Variants in TBCK observed in about 807,000 individuals in gnomAD.
TBCK encodes TBC domain-containing protein kinase-like protein.
A neutral mutation model predicts 113.4 loss-of-function variants in TBCK; 99 were observed. That is an observed-to-expected ratio of 0.87 (90% CI 0.74 to 1.03). The LOEUF is 1.03. Among genes scored for constraint, TBCK ranks in the 50% least tolerant of loss-of-function variants. The pLI, the probability that TBCK is intolerant of heterozygous loss-of-function variation, is 0.00. For missense variants in TBCK, 1,045 were observed against 1,061.3 expected, an observed-to-expected ratio of 0.98 and a Z score of 0.21; for synonymous variants, 369 against 370.8, an observed-to-expected ratio of 1.00 and a Z score of 0.05.
chr4:106,210,905 A>G, intron 20 of TBCK, among the ~76,000 whole-genome samples: 1 of 152,098 alleles, frequency 6.6e-6, no homozygotes, highest in East Asian at 1.9e-4. Flanking sequence ...TCCTTTCTTA[A>G]TATTATCTCT....
intron 25 of TBCK, among the ~76,000 whole-genome samples, chr4:106,063,958 A>G (rs1736337390): frequency 6.6e-6 from 1 of 151,972 alleles, no homozygotes; most frequent in African/African-American, 2.4e-5. Context: ...GCCTGAATGA[A>G]CAAAGAGACT....
At chr4:106,301,798 A>T (rs914140613) in intron 2 of TBCK, among the ~76,000 whole-genome samples, 3 of 152,230 alleles carry the variant, frequency 2.0e-5, no homozygotes, top group Non-Finnish European at 1.5e-5. Flanking sequence ...ATAGCAAGAT[A>T]TCTGCATAGC....
At chr4:106,054,269 TCTTA>T (rs1735147584) in intron 25 of TBCK, among the ~76,000 whole-genome samples, 1 of 151,708 alleles carries the variant, frequency 6.6e-6, no homozygotes, top group South Asian at 2.1e-4. Flanking sequence ...CACCATCATC[TCTTA>T]CTTAGATTAC....
intron 3 of TBCK, among the ~76,000 whole-genome samples, chr4:106,291,338 G>A (rs1765688663): frequency 6.6e-6 from 1 of 152,070 alleles, no homozygotes; most frequent in Non-Finnish European, 1.5e-5. Flanking sequence ...TAAAAAGGGG[G>A]AAAGACCCCA....
chr4:106,091,850 A>G (rs1740286592), intron 25 of TBCK, among the ~76,000 whole-genome samples: 1 of 152,178 alleles, frequency 6.6e-6, no homozygotes, highest in Non-Finnish European at 1.5e-5. Flanking sequence ...TCTGGCCCCA[A>G]CCACATCCTG....
intron 20 of TBCK, among the ~76,000 whole-genome samples, chr4:106,200,020 A>T (rs1229626298): frequency 6.6e-6 from 1 of 152,126 alleles, no homozygotes; most frequent in African/African-American, 2.4e-5. Flanking sequence ...ATGATCAACA[A>T]AACTATGTAA....
chr4:106,143,404 G>A (rs914353365), intron 23 of TBCK, among the ~76,000 whole-genome samples: 2 of 152,120 alleles, frequency 1.3e-5, no homozygotes, highest in Non-Finnish European at 2.9e-5. Context: ...CTATAACTTA[G>A]AGGAAGAAAA....
At chr4:106,194,818 AT>A in intron 20 of TBCK, 64 bp from the exon 21 acceptor site, 1 of 1,341,680 alleles carries the variant, frequency 7.5e-7, no homozygotes, top group Non-Finnish European at 1.0e-6. Context: ...AATTAGAATG[AT>A]TACCAATAAA....
At chr4:106,099,264 C>T (rs1324755390) in intron 24 of TBCK, among the ~76,000 whole-genome samples, 1 of 152,038 alleles carries the variant, frequency 6.6e-6, no homozygotes, top group African/African-American at 2.4e-5. Flanking sequence ...AGCACAGAAA[C>T]CAGCTCATGT....
At position 106,201,002 on chromosome 4, in the gene TBCK, T is replaced by C. The variant is rs534566096; in HGVS notation, c.1861-6248A>G. Among the ~76,000 whole-genome samples, 4 of 152,128 alleles carry C rather than the reference T, an allele frequency of 2.6e-5. No homozygotes were observed. In the East Asian group the frequency reaches 7.7e-4, roughly 29 times the overall value. On this transcript the variant is annotated intron_variant, in intron 20 of 25. Transcript: ENST00000394708. Reference sequence around the variant, plus strand: ...AAATAATGGCATGTATTTAAAAAAATTAAACTTGAGATTTTGTTATATACC... The same window carrying C: ...AAATAATGGCATGTATTTAAAAAAACTAAACTTGAGATTTTGTTATATACC...
intron 24 of TBCK, among the ~76,000 whole-genome samples, chr4:106,100,129 C>T (rs1291706155): frequency 6.6e-6 from 1 of 152,166 alleles, no homozygotes; most frequent in Non-Finnish European, 1.5e-5. Context: ...AGTATCTGTA[C>T]ATATCTTATA....
intron 23 of TBCK, among the ~76,000 whole-genome samples, chr4:106,138,346 T>G (rs956851940): frequency 7.1e-6 from 1 of 141,078 alleles, no homozygotes; most frequent in Non-Finnish European, 1.6e-5. Flanking sequence ...TATATTCAAC[T>G]GGCAAAAGGT....
chr4:106,199,038 G>C (rs897743999), intron 20 of TBCK, among the ~76,000 whole-genome samples: 1 of 152,058 alleles, frequency 6.6e-6, no homozygotes, highest in Non-Finnish European at 1.5e-5. Flanking sequence ...TCTGTGTTAG[G>C]TGATAGGCTA....
intron 23 of TBCK, among the ~76,000 whole-genome samples, chr4:106,152,322 C>T (rs1411217111): frequency 1.3e-5 from 2 of 151,844 alleles, no homozygotes; most frequent in African/African-American, 4.8e-5. Context: ...AAATGTGTTT[C>T]CAGTATCAAT....
chr4:106,200,897 G>A (rs905156050), intron 20 of TBCK, among the ~76,000 whole-genome samples: 1 of 151,942 alleles, frequency 6.6e-6, no homozygotes, highest in African/African-American at 2.4e-5. Context: ...ATTTTCTTAA[G>A]AAGTTTTCAA....
Position 106,139,255 on chromosome 4 carries a change from A to C in TBCK, c.2236-22877T>G, listed in dbSNP as rs1221911473. ...AAAGTCTGGAGATCTGCCTCTCTTC[A>C]TTCTCACTGCTGTGCCAAATACAAG... On this transcript the variant is annotated intron_variant, in intron 23 of 25. Coordinates refer to ENST00000394708, the MANE Select transcript of TBCK (RefSeq NM_001163435.3). Among the ~76,000 whole-genome samples the C allele has an allele frequency of 1.4e-5, 2 of 141,488 alleles. 1 individual carries two copies. The highest frequency in any genetic ancestry group is 3.2e-5 in the Non-Finnish European group (2 of 62,244). The allele number at this position is 141,488 out of a possible 152,430, so 92.8% of individuals were successfully genotyped here. A position where few individuals can be genotyped will look rare whatever the true frequency, so the allele number is the denominator to read the frequency against.
chr4:106,062,072 T>G (rs1736118091), intron 25 of TBCK, among the ~76,000 whole-genome samples: 1 of 151,804 alleles, frequency 6.6e-6, no homozygotes, highest in Admixed American at 6.6e-5. Context: ...GGTTAAAAAG[T>G]TTTCTTTTAT....
At chr4:106,139,136 CT>C (rs1746898577) in intron 23 of TBCK, among the ~76,000 whole-genome samples, 1 of 140,408 alleles carries the variant, frequency 7.1e-6, no homozygotes, top group Non-Finnish European at 1.6e-5. Context: ...GAATATTCTC[CT>C]TGCCCCCACA....
intron 25 of TBCK, among the ~76,000 whole-genome samples, chr4:106,087,220 G>A (rs762054195): frequency 7.9e-5 from 12 of 152,154 alleles, no homozygotes; most frequent in Non-Finnish European, 1.3e-4. Flanking sequence ...GAACTGATAG[G>A]CAACTTCAGT....
Sources: allele counts gnomAD v4.1 joint callset (sites outside exome capture counted in the v4.1 genomes callset), GRCh38; gene constraint gnomAD v4.1.1; transcripts MANE v1.5; gene names NCBI Gene and HGNC (gene_info 2026-07-23, HGNC 2026-07-21).